DLG2: variants seen among roughly 807,000 people sequenced by gnomAD.
The protein encoded by DLG2 is disks large homolog 2.
DLG2 carries 45 observed loss-of-function variants against 132.5 expected under a neutral mutation model. The ratio of observed to expected loss-of-function variants is 0.34; its 90% CI spans 0.27 to 0.44. The LOEUF is 0.44. Among genes scored for constraint, DLG2 ranks in the 20% least tolerant of loss-of-function variants. DLG2 has a pLI of 1.00. For missense variants in DLG2, 1,045 were observed against 1,196.9 expected (o/e 0.87, Z 1.87); for synonymous variants, 424 against 419.6 (o/e 1.01, Z -0.13).
At chr11:84,816,758 A>G (rs2077125160) in intron 6 of DLG2, among the ~76,000 whole-genome samples, 1 of 151,838 alleles carries the variant, frequency 6.6e-6, no homozygotes, top group Non-Finnish European at 1.5e-5. Context: ...CATATCCCCA[A>G]CCATTACAGT....
chr11:83,705,225 G>A (rs2083707586), intron 18 of DLG2, among the ~76,000 whole-genome samples: 1 of 151,932 alleles, frequency 6.6e-6, no homozygotes, highest in Non-Finnish European at 1.5e-5. Context: ...CTTTTCTCCA[G>A]GCTAAATCTT....
intron 6 of DLG2, among the ~76,000 whole-genome samples, chr11:84,782,534 C>T: frequency 6.6e-6 from 1 of 151,960 alleles, no homozygotes; most frequent in East Asian, 1.9e-4. Context: ...GAAGCTTAGT[C>T]ATTAACTCCT....
chr11:84,822,256 T>G (rs1320886135), intron 6 of DLG2, among the ~76,000 whole-genome samples: 1 of 151,760 alleles, frequency 6.6e-6, no homozygotes, highest in African/African-American at 2.4e-5. Flanking sequence ...CTCCTCCTAC[T>G]CCCAGTTGCA....
At chr11:84,606,710 A>G (rs1310444836) in intron 6 of DLG2, among the ~76,000 whole-genome samples, 1 of 152,140 alleles carries the variant, frequency 6.6e-6, no homozygotes, top group Non-Finnish European at 1.5e-5. Flanking sequence ...TCGCATTATG[A>G]AAGGGGAGTG....
chr11:84,923,779 G>T (rs1383703960), intron 6 of DLG2, among the ~76,000 whole-genome samples: 1 of 152,108 alleles, frequency 6.6e-6, no homozygotes, highest in East Asian at 1.9e-4. Flanking sequence ...AATGTGAACT[G>T]GGTTCCTCTG....
At chr11:85,402,924 G>A (rs1054003449) in intron 3 of DLG2, among the ~76,000 whole-genome samples, 1 of 152,116 alleles carries the variant, frequency 6.6e-6, no homozygotes, top group Non-Finnish European at 1.5e-5. Context: ...CATTGTGGAA[G>A]ATAGTGTGGC....
chr11:84,349,452 G>A (rs1211527084), intron 7 of DLG2, among the ~76,000 whole-genome samples: 4 of 146,224 alleles, frequency 2.7e-5, no homozygotes, highest in Non-Finnish European at 4.4e-5. Flanking sequence ...TGGAAAAAGG[G>A]TCTGAATAAT....
At chr11:84,924,124 G>A (rs761072343) in intron 6 of DLG2, among the ~76,000 whole-genome samples, 18 of 151,962 alleles carry the variant, frequency 1.2e-4, no homozygotes, top group Admixed American at 2.6e-4. Flanking sequence ...AAAAACATCC[G>A]TCAGATCCTT....
chr11:84,156,289 C>T (rs1023139135), intron 9 of DLG2, among the ~76,000 whole-genome samples: 5 of 152,116 alleles, frequency 3.3e-5, no homozygotes, highest in Non-Finnish European at 5.9e-5. Context: ...CATGTCTTTG[C>T]GTACTCTGAG....
chr11:85,607,229 G>A (rs2080632226), intron 2 of DLG2, among the ~76,000 whole-genome samples: 1 of 152,170 alleles, frequency 6.6e-6, no homozygotes, highest in Non-Finnish European at 1.5e-5. Context: ...CGGGTGTCAG[G>A]CTTTCTGGGA....
Position 85,598,740 on chromosome 11 carries a change from CT to C in DLG2, c.-45del. 1 of 1,550,470 alleles carries C rather than the reference CT, an allele frequency of 6.4e-7. No individual in the cohort carries two copies. Among genetic ancestry groups the C allele is most frequent in the Non-Finnish European group, 8.7e-7 (1 of 1,149,710 alleles). On this transcript the variant is annotated 5_prime_UTR_variant, in exon 3 of 28. Transcript: ENST00000376104. The stretch of plus-strand genomic sequence containing the variant: ...TTTCAACAGCTGCTCCTCTGGTTTC[CT>C]TAATTTTTTGCAGTATTCTTCCAGT...
chr11:83,738,445 A>G (rs949090402), intron 18 of DLG2, among the ~76,000 whole-genome samples: 2 of 152,148 alleles, frequency 1.3e-5, no homozygotes, highest in Non-Finnish European at 2.9e-5. Context: ...TATTGTCCAA[A>G]TGAAATGTAC....
At chr11:85,540,544 A>C (rs2075897025) in intron 3 of DLG2, among the ~76,000 whole-genome samples, 1 of 152,176 alleles carries the variant, frequency 6.6e-6, no homozygotes. Context: ...CCAATCAATA[A>C]AACTTTGCAG....
chr11:83,622,040 G>A (rs1261386419), intron 19 of DLG2, among the ~76,000 whole-genome samples: 2 of 152,082 alleles, frequency 1.3e-5, no homozygotes, highest in Non-Finnish European at 1.5e-5. Context: ...TTAGCCTCCC[G>A]AGTAGCTGGG....
chr11:84,208,748 T>G (rs535582057), intron 8 of DLG2, among the ~76,000 whole-genome samples: 1 of 152,354 alleles, frequency 6.6e-6, no homozygotes, highest in African/African-American at 2.4e-5. Context: ...ACACTGTACA[T>G]AAACACTGTA....
intron 3 of DLG2, among the ~76,000 whole-genome samples, chr11:85,430,387 G>A (rs917304900): frequency 7.9e-5 from 12 of 151,766 alleles, no homozygotes; most frequent in African/African-American, 2.2e-4. Flanking sequence ...AAATTTACAT[G>A]ATTGAAATGT....
chr11:84,828,190 G>A (rs1034583256), intron 6 of DLG2, among the ~76,000 whole-genome samples: 2 of 151,774 alleles, frequency 1.3e-5, no homozygotes, highest in Non-Finnish European at 2.9e-5. Flanking sequence ...AAGCAGGGAA[G>A]TGTCATTAGG....
intron 3 of DLG2, among the ~76,000 whole-genome samples, chr11:85,297,441 C>T (rs915794391): frequency 1.3e-5 from 2 of 152,158 alleles, no homozygotes; most frequent in African/African-American, 4.8e-5. Flanking sequence ...TGGAAAGCCA[C>T]ACAGGACCCC....
chr11:84,756,789 G>A (rs752895859), intron 6 of DLG2, among the ~76,000 whole-genome samples: 21 of 151,858 alleles, frequency 1.4e-4, no homozygotes, highest in Admixed American at 3.3e-4. Flanking sequence ...ATCAGCTATC[G>A]TTAGTGTTAG....
Sources: gnomAD v4.1 joint callset for allele counts (sites outside exome capture counted in the v4.1 genomes callset) on GRCh38, gnomAD v4.1.1 for gene constraint, MANE v1.5 for transcripts, NCBI Gene and HGNC (gene_info 2026-07-23, HGNC 2026-07-21) for gene names.